Variants in ZNF254 observed in about 807,000 individuals in gnomAD.
ZNF254 encodes zinc finger protein 254.
Under a neutral mutation model 12.4 loss-of-function variants are expected in ZNF254, and 10 were observed. The observed-to-expected ratio is 0.80, with a 90% CI of 0.50 to 1.36. The LOEUF (loss-of-function observed/expected upper bound fraction) is 1.36, where lower values mean the gene tolerates loss of function less well. ZNF254 is among the 40% of genes most tolerant of loss of function. The pLI, the probability that ZNF254 is intolerant of heterozygous loss-of-function variation, is 0.00. For synonymous variants in ZNF254, 305 were observed against 253.4 expected, an observed-to-expected ratio of 1.20 and a Z score of -1.93; for missense variants, 996 against 763.9, an observed-to-expected ratio of 1.30 and a Z score of -3.58.
intron 2 of ZNF254, chr19:24,066,681 A>G (rs1971280592): frequency 8.1e-6 from 1 of 123,432 alleles, no homozygotes; most frequent in African/African-American, 3.0e-5. Flanking sequence ...ACCTGTCTCT[A>G]CTAAAACAAA....
At chr19:24,057,837 G>A (rs1019275426) in intron 2 of ZNF254, among the ~76,000 whole-genome samples, 3 of 152,204 alleles carry the variant, frequency 2.0e-5, no homozygotes, top group African/African-American at 7.2e-5. Context: ...TGTGACTTGT[G>A]TACTTGGATT....
At chr19:24,115,885 G>A (rs1338850355) in intron 3 of ZNF254, among the ~76,000 whole-genome samples, 7 of 152,104 alleles carry the variant, frequency 4.6e-5, no homozygotes, top group Non-Finnish European at 5.9e-5. Context: ...TTTTAGGGCA[G>A]GCCTGGTGGT....
At chr19:24,099,283 G>A (rs968609251) in intron 1 of ZNF254, among the ~76,000 whole-genome samples, 1 of 151,718 alleles carries the variant, frequency 6.6e-6, no homozygotes, top group Non-Finnish European at 1.5e-5. Flanking sequence ...AGGATAACAG[G>A]CATGAGCCAC....
intron 2 of ZNF254, among the ~76,000 whole-genome samples, chr19:24,049,217 TTTTTTTTTTTTTTA>T (rs1970551688): frequency 8.6e-6 from 1 of 116,542 alleles, no homozygotes; most frequent in African/African-American, 3.1e-5. Context: ...TATATATATT[TTTTTTTTTTTTTTA>T]ATTTATTTAT....
intron 2 of ZNF254, among the ~76,000 whole-genome samples, chr19:24,051,036 C>T (rs199917121): frequency 2.0e-5 from 3 of 151,984 alleles, no homozygotes; most frequent in African/African-American, 4.8e-5. Flanking sequence ...AGGGCCCTGC[C>T]GACTGGAGTG....
At chr19:24,047,917 C>T (rs1404638672) in intron 2 of ZNF254, among the ~76,000 whole-genome samples, 4 of 150,564 alleles carry the variant, frequency 2.7e-5, no homozygotes, top group South Asian at 2.1e-4. Flanking sequence ...GAACTCCTGA[C>T]GTCAGGTGAT....
rs1973315785 is a variant in ZNF254, at chr19:24,105,972, A to G, written c.63A>G (p.Glu21=). ...TGACATTTAGGGATGTGGCCATAGAATTCTCTCTGGAGGAGTGGCAACACC... is the reference window on the plus strand; with the variant it reads ...TGACATTTAGGGATGTGGCCATAGAGTTCTCTCTGGAGGAGTGGCAACACC... ...GLLTFRDVAI[E]FSLEEWQHLD... is the part of the protein sequence containing the mutation. The change falls in exon 2 of 4, where the codon GAA becomes GAG. Residue 21 remains glutamate, a synonymous_variant. Coordinates refer to ENST00000357002, the MANE Select transcript of ZNF254 (RefSeq NM_203282.4). 1 of 1,598,800 alleles carries G rather than the reference A, an allele frequency of 6.3e-7. No individual in the cohort carries two copies. The highest frequency in any genetic ancestry group is 2.3e-5 in the East Asian group (1 of 44,414).
At chr19:24,042,918 T>G (rs78258328) in intron 1 of ZNF254, among the ~76,000 whole-genome samples, 1 of 152,336 alleles carries the variant, frequency 6.6e-6, no homozygotes, top group East Asian at 1.9e-4. Flanking sequence ...TTCTCTTTAT[T>G]ATGAATGAGT....
In ZNF254 at chr19:24,127,606, CATAAG is replaced by C. The variant is rs879265276; in HGVS notation, c.1611_1615del (p.Lys537AsnfsTer4). The C allele has an allele frequency of 1.9e-6, 3 of 1,608,060 alleles. No individual in the cohort carries two copies. Among genetic ancestry groups the C allele is most frequent in the Non-Finnish European group, 2.5e-6 (3 of 1,176,924 alleles). Reference sequence around the variant, plus strand: ...TAACTGGTCCTCAACTCTTACTAAACATAAGATAATTCATACTGAAGAGAAACCCT... The same window carrying C: ...TAACTGGTCCTCAACTCTTACTAAACATAATTCATACTGAAGAGAAACCCT... On this transcript the variant is annotated frameshift_variant, in exon 4 of 4. Transcript: ENST00000357002. LOFTEE classifies it low-confidence loss of function (END_TRUNC).
chr19:24,087,216 C>T lies in ZNF254; in HGVS notation c.-92C>T. The T allele has an allele frequency of 1.9e-6, 3 of 1,569,550 alleles. No homozygotes were observed. The highest frequency in any genetic ancestry group is 2.2e-5 in the South Asian group (2 of 90,198). On this transcript the variant is annotated 5_prime_UTR_variant, in exon 1 of 4. Coordinates refer to ENST00000357002, the MANE Select transcript of ZNF254 (RefSeq NM_203282.4). ...TTGTCTCTCGCTGTCGCCGGAGTCC[C>T]AGGTCTGTCTTCACTGCTCTGTGTC...
At chr19:24,042,480 C>CT (rs1252651578) in intron 1 of ZNF254, among the ~76,000 whole-genome samples, 1 of 152,188 alleles carries the variant, frequency 6.6e-6, no homozygotes, top group Non-Finnish European at 1.5e-5. Context: ...GTGCACGCTG[C>CT]TTTTAAGAGC....
chr19:24,089,458 G>T (rs1972236496), intron 1 of ZNF254, among the ~76,000 whole-genome samples: 1 of 151,862 alleles, frequency 6.6e-6, no homozygotes, highest in Admixed American at 6.6e-5. Flanking sequence ...ATGTTTTTGG[G>T]TCAAGTTTTC....
intron 1 of ZNF254, among the ~76,000 whole-genome samples, chr19:24,102,963 A>G (rs1228303739): frequency 6.6e-6 from 1 of 152,172 alleles, no homozygotes; most frequent in Non-Finnish European, 1.5e-5. Context: ...GATTTATTGG[A>G]CACTTAGTAT....
At chr19:24,058,588 A>G (rs1305767813) in intron 2 of ZNF254, among the ~76,000 whole-genome samples, 1 of 151,870 alleles carries the variant, frequency 6.6e-6, no homozygotes, top group African/African-American at 2.4e-5. Flanking sequence ...TTGTATTTTT[A>G]GTAGAGACAG....
intron 3 of ZNF254, chr19:24,106,910 A>G (rs1225770256): frequency 4.9e-6 from 2 of 407,320 alleles, no homozygotes; most frequent in South Asian, 4.6e-5. Context: ...AGAGTGTACA[A>G]TCTGACTTCT....
At chr19:24,120,871 C>G (rs1039992582) in intron 3 of ZNF254, among the ~76,000 whole-genome samples, 1 of 151,940 alleles carries the variant, frequency 6.6e-6, no homozygotes, top group African/African-American at 2.4e-5. Flanking sequence ...CGGGGTTTCT[C>G]CATGTTAACC....
chr19:24,100,425 G>T (rs1200124700), intron 1 of ZNF254, among the ~76,000 whole-genome samples: 1 of 149,430 alleles, frequency 6.7e-6, no homozygotes, highest in Admixed American at 6.7e-5. Flanking sequence ...TTTTATTTGA[G>T]GAATGAAAGT....
chr19:24,112,883 TCA>T (rs1973779132), intron 3 of ZNF254, among the ~76,000 whole-genome samples: 1 of 152,106 alleles, frequency 6.6e-6, no homozygotes, highest in Non-Finnish European at 1.5e-5. Context: ...CAAAGTACCA[TCA>T]GAGAATACTA....
intron 2 of ZNF254, among the ~76,000 whole-genome samples, chr19:24,072,151 C>A (rs540343314): frequency 6.6e-6 from 1 of 151,596 alleles, no homozygotes; most frequent in East Asian, 2.0e-4. Context: ...TGGTACCAGT[C>A]TCTTTCTGTT....
Sources: gnomAD v4.1 joint callset for allele counts (sites outside exome capture counted in the v4.1 genomes callset) on GRCh38, gnomAD v4.1.1 for gene constraint, MANE v1.5 for transcripts, NCBI Gene and HGNC (gene_info 2026-07-23, HGNC 2026-07-21) for gene names.